The following ARMH3 variants were observed in gnomAD, a reference collection of about 807,000 sequenced individuals.
ARMH3 encodes the protein armadillo-like helical domain-containing protein 3.
A neutral mutation model predicts 99.1 loss-of-function variants in ARMH3; 60 were observed. The observed-to-expected ratio is 0.61, with a 90% CI of 0.49 to 0.75. The LOEUF is 0.75. Ranked by LOEUF, ARMH3 falls within the 30% of genes least tolerant of loss-of-function variation. The pLI is 0.00. For synonymous variants in ARMH3, 285 were observed against 292.8 expected (o/e 0.97, Z 0.27); for missense variants, 679 against 843.1 (o/e 0.81, Z 2.41).
intron 24 of ARMH3, among the ~76,000 whole-genome samples, chr10:101,853,130 C>T (rs2066645678): frequency 6.6e-6 from 1 of 150,566 alleles, no homozygotes; most frequent in East Asian, 2.0e-4. Flanking sequence ...ATCTCAGGTG[C>T]TCCACCCGCC....
At chr10:101,958,156 A>G (rs1436046353) in intron 20 of ARMH3, among the ~76,000 whole-genome samples, 1 of 152,206 alleles carries the variant, frequency 6.6e-6, no homozygotes, top group Non-Finnish European at 1.5e-5. Flanking sequence ...TCTGTTTCAG[A>G]CATCATTGCT....
At chr10:102,022,228 C>CA (rs1258737493) in intron 8 of ARMH3, among the ~76,000 whole-genome samples, 1 of 151,728 alleles carries the variant, frequency 6.6e-6, no homozygotes, top group East Asian at 1.9e-4. Context: ...CACATGACCA[C>CA]AAAAAAATCA....
chr10:101,969,685 T>C (rs1379670240), intron 20 of ARMH3, among the ~76,000 whole-genome samples: 1 of 152,206 alleles, frequency 6.6e-6, no homozygotes, highest in Non-Finnish European at 1.5e-5. Context: ...TGTGAATGCT[T>C]TGGATGTTAC....
At chr10:101,909,414 CAAAAA>C (rs1232777837) in intron 23 of ARMH3, among the ~76,000 whole-genome samples, 1 of 72,374 alleles carries the variant, frequency 1.4e-5, no homozygotes, top group South Asian at 4.9e-4. Flanking sequence ...AACCCTATCT[CAAAAA>C]AAAAAAAAAA....
chr10:101,938,563 C>T (rs1396881439), intron 23 of ARMH3, among the ~76,000 whole-genome samples: 1 of 152,234 alleles, frequency 6.6e-6, no homozygotes. Context: ...GTCAACACAA[C>T]ATAAATTATA....
chr10:102,028,064 TAAAGA>T (rs1467848164), intron 5 of ARMH3, among the ~76,000 whole-genome samples: 8 of 148,658 alleles, frequency 5.4e-5, no homozygotes, highest in South Asian at 2.1e-4. Context: ...AAAAAAAAAA[TAAAGA>T]AAAGACAGAC....
At chr10:101,862,311 T>A (rs1191114224) in intron 24 of ARMH3, among the ~76,000 whole-genome samples, 2 of 152,176 alleles carry the variant, frequency 1.3e-5, no homozygotes, top group Non-Finnish European at 2.9e-5. Flanking sequence ...GTGTAGTGGC[T>A]CACACCTGCA....
At chr10:101,956,429 A>T (rs959762249) in intron 22 of ARMH3, among the ~76,000 whole-genome samples, 168 bp downstream of exon 22, 3 of 152,212 alleles carry the variant, frequency 2.0e-5, no homozygotes, top group African/African-American at 7.2e-5. Flanking sequence ...CCTAAAGGCA[A>T]AAAGGCCCAC....
intron 23 of ARMH3, among the ~76,000 whole-genome samples, chr10:101,907,969 G>A (rs993441173): frequency 6.6e-6 from 1 of 152,172 alleles, no homozygotes; most frequent in African/African-American, 2.4e-5. Context: ...TTGCCTTACA[G>A]TGTAAGGAAT....
chr10:102,034,690 T>TA (rs2067208245), intron 2 of ARMH3, among the ~76,000 whole-genome samples: 1 of 150,730 alleles, frequency 6.6e-6, no homozygotes, highest in African/African-American at 2.4e-5. Flanking sequence ...GGGAATGGCA[T>TA]AAAATAAGTA....
chr10:101,878,236 C>A (rs1048027145), intron 24 of ARMH3, among the ~76,000 whole-genome samples: 1 of 151,992 alleles, frequency 6.6e-6, no homozygotes, highest in African/African-American at 2.4e-5. Context: ...CTGGCCTGGG[C>A]GACAGAGAGA....
intron 2 of ARMH3, among the ~76,000 whole-genome samples, chr10:102,033,828 C>A (rs1208157917): frequency 6.6e-6 from 1 of 152,168 alleles, no homozygotes; most frequent in Non-Finnish European, 1.5e-5. Flanking sequence ...AAACTGTGTG[C>A]ATGGATATAT....
At chr10:101,974,686 G>A (rs907833755) in intron 20 of ARMH3, among the ~76,000 whole-genome samples, 7 of 152,118 alleles carry the variant, frequency 4.6e-5, no homozygotes, top group African/African-American at 1.7e-4. Flanking sequence ...TGGCACAGGG[G>A]GAGTGGTACA....
intron 5 of ARMH3, among the ~76,000 whole-genome samples, chr10:102,026,608 TA>T (rs2136182421): frequency 6.6e-6 from 1 of 152,302 alleles, no homozygotes; most frequent in Admixed American, 6.5e-5. Context: ...GGGGTTGGAA[TA>T]AAAGTAGTTT....
chr10:101,964,529 G>A (rs1348086696), intron 20 of ARMH3, among the ~76,000 whole-genome samples: 2 of 152,084 alleles, frequency 1.3e-5, no homozygotes, highest in African/African-American at 2.4e-5. Flanking sequence ...ATATACATAT[G>A]GCAGAATATT....
At chr10:102,041,090 A>AATAT (rs59124276) in intron 1 of ARMH3, among the ~76,000 whole-genome samples, 12,479 of 132,426 alleles carry the variant, frequency 0.094, 726 homozygotes, top group Middle Eastern at 0.13. Context: ...ATATATATAT[A>AATAT]ATATATATAT....
intron 23 of ARMH3, among the ~76,000 whole-genome samples, chr10:101,908,250 G>A (rs982708651): frequency 2.6e-5 from 4 of 152,134 alleles, no homozygotes; most frequent in African/African-American, 9.7e-5. Flanking sequence ...CAGGTGTGTT[G>A]TTTCTAGTAA....
intron 1 of ARMH3, among the ~76,000 whole-genome samples, chr10:102,049,187 T>A (rs1020356509): frequency 2.0e-5 from 3 of 152,078 alleles, no homozygotes; most frequent in Non-Finnish European, 4.4e-5. Context: ...GACAAGCAAA[T>A]AACCCCTTTC....
intron 2 of ARMH3, among the ~76,000 whole-genome samples, chr10:102,034,731 G>A (rs1189405613): frequency 1.3e-5 from 2 of 151,488 alleles, no homozygotes; most frequent in African/African-American, 4.9e-5. Context: ...CTTATTTTAA[G>A]CTGACCTTTT....
Sources: gnomAD v4.1 joint callset for allele counts (sites outside exome capture counted in the v4.1 genomes callset) on GRCh38, gnomAD v4.1.1 for gene constraint, MANE v1.5 for transcripts, NCBI Gene and HGNC (gene_info 2026-07-23, HGNC 2026-07-21) for gene names.